Variants in LHFPL3 observed in about 807,000 individuals in gnomAD.
LHFPL3 encodes LHFPL tetraspan subfamily member 3.
LHFPL3 carries 5 observed loss-of-function variants against 19.3 expected under a neutral mutation model. The observed-to-expected ratio is 0.26, with a 90% confidence interval of 0.14 to 0.54. The LOEUF (loss-of-function observed/expected upper bound fraction) is 0.54. LHFPL3 is among the 20% of genes least tolerant of loss of function. The pLI is 0.94. For missense variants in LHFPL3, 249 were observed against 307.4 expected (o/e 0.81, Z 1.42); for synonymous variants, 133 against 126.2 (o/e 1.05, Z -0.36).
intron 1 of LHFPL3, among the ~76,000 whole-genome samples, chr7:104,336,322 A>G (rs1789809668): frequency 6.6e-6 from 1 of 152,194 alleles, no homozygotes; most frequent in South Asian, 2.1e-4. Context: ...TTTGAAAAAT[A>G]GAAATAATCT....
intron 1 of LHFPL3, among the ~76,000 whole-genome samples, chr7:104,519,853 G>A (rs1794012360): frequency 6.6e-6 from 1 of 152,106 alleles, no homozygotes; most frequent in South Asian, 2.1e-4. Flanking sequence ...GGAATACCAT[G>A]TTTACAAATG....
chr7:104,364,646 ACAT>A (rs1269611207), intron 1 of LHFPL3, among the ~76,000 whole-genome samples: 2 of 152,208 alleles, frequency 1.3e-5, no homozygotes, highest in Non-Finnish European at 2.9e-5. Context: ...AAAGGGAATC[ACAT>A]CATGGTGAAA....
At chr7:104,904,840 A>G (rs1217365783) in intron 2 of LHFPL3, among the ~76,000 whole-genome samples, 1 of 152,176 alleles carries the variant, frequency 6.6e-6, no homozygotes, top group Non-Finnish European at 1.5e-5. Context: ...AAAATCATTC[A>G]AAGAATAAGG....
chr7:104,829,516 T>C (rs573346366), intron 2 of LHFPL3, among the ~76,000 whole-genome samples: 22 of 151,784 alleles, frequency 1.4e-4, no homozygotes, highest in Admixed American at 1.2e-3. Flanking sequence ...GAGTGTGATG[T>C]TCCCCTTCCT....
intron 2 of LHFPL3, among the ~76,000 whole-genome samples, chr7:104,854,662 G>C (rs184698076): frequency 2.2e-4 from 33 of 152,078 alleles, no homozygotes; most frequent in African/African-American, 8.0e-4. Context: ...ATCACCTTCC[G>C]GTCTGAAGTC....
chr7:104,644,769 G>A (rs919472542), intron 1 of LHFPL3, among the ~76,000 whole-genome samples: 2 of 151,992 alleles, frequency 1.3e-5, no homozygotes, highest in African/African-American at 4.8e-5. Flanking sequence ...TGCTGCCCAT[G>A]TGTCTGTCAT....
rs7808584 is a variant in LHFPL3, at chr7:104,776,005, A to G, written c.682+39094A>G. Among the ~76,000 whole-genome samples, 769 of 152,352 alleles carry G rather than the reference A, an allele frequency of 5.0e-3. 4 individuals carry two copies. The highest frequency in any genetic ancestry group is 0.017 in the African/African-American group (724 of 41,578). Reference sequence around the variant, plus strand: ...AAAAGGAAAGAAGCTAATTCCAAACATATCCTATCTTTGTACTTTCTAGTT... The same window carrying G: ...AAAAGGAAAGAAGCTAATTCCAAACGTATCCTATCTTTGTACTTTCTAGTT... On this transcript the variant is annotated intron_variant, in intron 2 of 2. Coordinates refer to ENST00000424859, the MANE Select transcript of LHFPL3 (RefSeq NM_199000.3).
At chr7:104,868,934 C>T (rs1791782302) in intron 2 of LHFPL3, among the ~76,000 whole-genome samples, 2 of 151,722 alleles carry the variant, frequency 1.3e-5, no homozygotes, top group East Asian at 1.9e-4. Context: ...TATCTACAAC[C>T]ATCTGATCTT....
At chr7:104,724,760 A>G (rs1439105323) in intron 1 of LHFPL3, among the ~76,000 whole-genome samples, 1 of 149,640 alleles carries the variant, frequency 6.7e-6, no homozygotes, top group Non-Finnish European at 1.5e-5. Flanking sequence ...ACTTAAAATA[A>G]AAGTCAAAAG....
chr7:104,853,261 G>C (rs1791444498), intron 2 of LHFPL3, among the ~76,000 whole-genome samples: 1 of 152,226 alleles, frequency 6.6e-6, no homozygotes, highest in Non-Finnish European at 1.5e-5. Context: ...CCTCGAGTCA[G>C]GGGACAATGA....
chr7:104,351,055 A>T (rs1790164933), intron 1 of LHFPL3, among the ~76,000 whole-genome samples: 1 of 148,804 alleles, frequency 6.7e-6, no homozygotes, highest in Non-Finnish European at 1.5e-5. Flanking sequence ...AAAAAAAAAA[A>T]GGAAAGAAAA....
chr7:104,583,468 A>G (rs1790502886), intron 1 of LHFPL3, among the ~76,000 whole-genome samples: 1 of 152,226 alleles, frequency 6.6e-6, no homozygotes, highest in African/African-American at 2.4e-5. Flanking sequence ...ATGGGATCTA[A>G]TTAAACTAAA....
intron 1 of LHFPL3, among the ~76,000 whole-genome samples, chr7:104,676,225 A>C (rs1792588877): frequency 6.6e-6 from 1 of 152,220 alleles, no homozygotes; most frequent in Non-Finnish European, 1.5e-5. Flanking sequence ...TTCTAAGGAC[A>C]CTGCATATTA....
intron 1 of LHFPL3, among the ~76,000 whole-genome samples, chr7:104,548,078 T>C (rs371924913): frequency 1.3e-5 from 2 of 152,144 alleles, no homozygotes. Flanking sequence ...AAAAGCTGGA[T>C]ACATTTTTAA....
At chr7:104,554,922 C>G (rs992965688) in intron 1 of LHFPL3, among the ~76,000 whole-genome samples, 1 of 152,192 alleles carries the variant, frequency 6.6e-6, no homozygotes, top group Admixed American at 6.6e-5. Flanking sequence ...GCTGGAGAAC[C>G]TGGAGTTCTG....
chr7:104,682,042 T>C (rs1792714227), intron 1 of LHFPL3, among the ~76,000 whole-genome samples: 1 of 152,206 alleles, frequency 6.6e-6, no homozygotes, highest in Non-Finnish European at 1.5e-5. Context: ...ATTAACAAAT[T>C]AATACTTACA....
chr7:104,360,866 A>T (rs999689951), intron 1 of LHFPL3, among the ~76,000 whole-genome samples: 3 of 152,152 alleles, frequency 2.0e-5, no homozygotes, highest in Admixed American at 1.3e-4. Flanking sequence ...TTTGGTCTCT[A>T]AGCCAGGGAT....
intron 2 of LHFPL3, among the ~76,000 whole-genome samples, chr7:104,761,833 T>C (rs1356831038): frequency 6.6e-6 from 1 of 152,214 alleles, no homozygotes; most frequent in Non-Finnish European, 1.5e-5. Context: ...GAATACCATA[T>C]TGCCATCCTT....
At chr7:104,655,016 A>G (rs1792097405) in intron 1 of LHFPL3, among the ~76,000 whole-genome samples, 1 of 152,058 alleles carries the variant, frequency 6.6e-6, no homozygotes, top group Admixed American at 6.5e-5. Context: ...AGCTCCTGCC[A>G]TCCCTGCCTC....
Sources: allele counts gnomAD v4.1 joint callset (sites outside exome capture counted in the v4.1 genomes callset), GRCh38; gene constraint gnomAD v4.1.1; transcripts MANE v1.5; gene names NCBI Gene and HGNC (gene_info 2026-07-23, HGNC 2026-07-21).